Variants in FUS observed in about 807,000 individuals in gnomAD.
The protein encoded by FUS is FUS RNA binding protein.
In FUS, 5 loss-of-function variants were observed where a neutral mutation model predicts 82.7. That is an observed-to-expected ratio of 0.06 (90% CI 0.03 to 0.13). The LOEUF is 0.13. FUS is among the 10% of genes least tolerant of loss of function. The probability of loss-of-function intolerance (pLI) is 1.00; values close to 1 mark genes in which losing one functional copy is unlikely to be tolerated. For synonymous variants in FUS, 281 were observed against 247.4 expected (o/e 1.14, Z -1.27); for missense variants, 512 against 707.8 (o/e 0.72, Z 3.14).
chr16:31,189,071 G>T (rs754965428), intron 8 of FUS, 52 bp from the exon 9 acceptor site: 4 of 1,405,880 alleles, frequency 2.8e-6, no homozygotes, highest in Non-Finnish European at 4.0e-6. Context: ...GTTTTTTCCT[G>T]TGTTTTTTAT....
downstream of FUS, chr16:31,194,123 T>TC (rs2079394262): frequency 1.9e-6 from 1 of 533,154 alleles, no homozygotes; most frequent in Non-Finnish European, 3.6e-6. Context: ...TCAGCTTTTT[T>TC]CCCCATCTTG....
intron 14 of FUS, 99 bp downstream of exon 14, chr16:31,191,209 T>TG: frequency 6.6e-7 from 1 of 1,525,364 alleles, no homozygotes; most frequent in South Asian, 1.1e-5. Flanking sequence ...GAGGGCTAGG[T>TG]GGAAAGACCT....
At chr16:31,192,570 T>G (rs998352264), downstream of FUS, 4 of 491,590 alleles carry the variant, frequency 8.1e-6, no homozygotes, top group Non-Finnish European at 1.6e-5. Flanking sequence ...TTTTTATTTT[T>G]TATTTTTAGA....
In FUS at chr16:31,189,811, T is replaced by C. The variant is rs369370003; in HGVS notation, c.1066+17T>C. On this transcript the variant is annotated intron_variant, in intron 10 of 14. Transcript: ENST00000254108. The stretch of plus-strand genomic sequence containing the variant: ...GGTTTGATGGTATGTATGAGAAGGC[T>C]GGCAGAGGTGGGGCTGGGGATATAG... The C allele has an allele frequency of 6.2e-7, 1 of 1,613,966 alleles. No individual in the cohort carries two copies. The highest frequency in any genetic ancestry group is 1.3e-5 in the African/African-American group (1 of 75,046).
At chr16:31,190,579 C>T in intron 12 of FUS, 163 bp from the exon 13 acceptor site, 1 of 1,169,900 alleles carries the variant, frequency 8.5e-7, no homozygotes, top group East Asian at 2.3e-5. Context: ...GGATTGGGTT[C>T]AGTAATACTG....
chr16:31,191,228 A>T (rs1403953018), intron 14 of FUS, 118 bp downstream of exon 14: 1 of 1,494,268 alleles, frequency 6.7e-7, no homozygotes, highest in Non-Finnish European at 9.2e-7. Context: ...CTGAGGTTGT[A>T]ACCAGTAGTG....
chr16:31,189,099 G>T (rs771573838), intron 8 of FUS, 24 bp from the exon 9 acceptor site: 4 of 1,555,728 alleles, frequency 2.6e-6, no homozygotes, highest in African/African-American at 1.4e-5. Flanking sequence ...TTTCACATTT[G>T]CATTTTCTCT....
rs200264565 is a variant in FUS at position 31,184,357 on chromosome 16, A to C, written c.484A>C (p.Asn162His). 32 of 1,614,104 alleles carry C rather than the reference A, an allele frequency of 2.0e-5. No individual in the cohort carries two copies. The Admixed American group carries it at 3.2e-4, about 16-fold the overall frequency. The stretch of plus-strand genomic sequence containing the variant: ...GGGCTATGGACAGCAGAACCAGTAC[A>C]ACAGCAGCAGTGGTGGTGGAGGTGG... ...PQGYGQQNQY[N>H]SSSGGGGGGG... is the part of the protein sequence containing the mutation. Residue 162 changes from asparagine (N) to histidine (H), a missense_variant, in exon 5 of 15, where the codon AAC becomes CAC. This residue lies in a region of FUS where 276 missense variants were observed against 303.3 expected (regional missense o/e 0.91). Coordinates refer to ENST00000254108, the MANE Select transcript of FUS (RefSeq NM_004960.4).
rs1459245511 is a variant in FUS, at chr16:31,190,820, G to A, written c.1371G>A (p.Gly457=). The A allele has an allele frequency of 6.2e-7, 1 of 1,614,086 alleles. No individual in the cohort carries two copies. Among genetic ancestry groups the A allele is most frequent in the Non-Finnish European group, 8.5e-7 (1 of 1,180,024 alleles). The stretch of plus-strand genomic sequence containing the variant: ...CCCCTAAACCAGATGGCCCAGGAGG[G>A]GGACCAGGTGGCTCTCACATGGGTA... ...CKAPKPDGPG[G]GPGGSHMGGN... is the part of the protein sequence containing the mutation. The change falls in exon 13 of 15, where the codon GGG becomes GGA. Residue 457 remains glycine, a synonymous_variant. Coordinates refer to ENST00000254108, the MANE Select transcript of FUS (RefSeq NM_004960.4).
intron 1 of FUS, 146 bp from the exon 2 acceptor site, chr16:31,182,252 A>G (rs542891088): frequency 1.0e-5 from 10 of 965,296 alleles, no homozygotes; most frequent in African/African-American, 6.5e-5. Context: ...CGGCCTCCCA[A>G]ACTGCTGGGA....
At chr16:31,193,251 C>T (rs747340840), downstream of FUS, 1 of 506,220 alleles carries the variant, frequency 2.0e-6, no homozygotes, top group South Asian at 1.5e-5. Context: ...CCCCTGCCAG[C>T]ATTGGGGTGC....
rs371057360 is a variant in FUS at position 31,191,377 on chromosome 16, ATTT to A, written c.1542-7_1542-5del. The A allele has an allele frequency of 1.4e-4, 218 of 1,520,390 alleles. No individual in the cohort carries two copies. The highest frequency in any genetic ancestry group is 5.4e-4 in the Admixed American group (30 of 55,228). 94.2% of individuals were successfully genotyped at this position (1,520,390 alleles called of 1,614,324 possible). On this transcript the variant is annotated intron_variant, in intron 14 of 14. Transcript: ENST00000254108. ...GTAACTCAAATATAATGGATACTTA[ATTT>A]TTTTTTTTTTTTTTGCAGGGGTGAG...
chr16:31,185,404 T>C (rs1188529884), intron 6 of FUS: 1 of 642,430 alleles, frequency 1.6e-6, no homozygotes, highest in Non-Finnish European at 2.8e-6. Context: ...AGATTTTGAG[T>C]AATGATACTT....
At chr16:31,192,239 G>A, downstream of FUS, 1 of 526,310 alleles carries the variant, frequency 1.9e-6, no homozygotes, top group South Asian at 1.5e-5. Flanking sequence ...TTTTAGGCTT[G>A]ATCCCTTTTT....
chr16:31,180,500 G>A (rs1165046564), intron 1 of FUS, among the ~76,000 whole-genome samples: 1 of 152,192 alleles, frequency 6.6e-6, no homozygotes, highest in Non-Finnish European at 1.5e-5. Flanking sequence ...GGTTTGAAGC[G>A]TCAGGTGAGG....
rs1596909741 is a variant in FUS at position 31,190,100 on chromosome 16, A to G, written c.1127A>G (p.Asn376Ser). Reference protein sequence around the residue: ...VSFATRRADFNRGGGNGRGGR... With the variant: ...VSFATRRADFSRGGGNGRGGR... Reference sequence around the variant, plus strand: ...TTTGCTACTCGCCGGGCAGACTTTAATCGGGGTGGTGGCAATGGTCGTGGA... The same window carrying G: ...TTTGCTACTCGCCGGGCAGACTTTAGTCGGGGTGGTGGCAATGGTCGTGGA... The change falls in exon 11 of 15, where the codon AAT (asparagine) becomes AGT (serine). Residue 376 changes from asparagine to serine, a missense_variant. By Grantham distance (46) the Asn-to-Ser change is conservative. Coordinates refer to ENST00000254108, the MANE Select transcript of FUS (RefSeq NM_004960.4). 6.2e-7 allele frequency: 1 copy of G among 1,614,152 alleles called. No individual in the cohort carries two copies. Among genetic ancestry groups the G allele is most frequent in the Non-Finnish European group, 8.5e-7 (1 of 1,180,022 alleles).
chr16:31,193,314 C>T (rs1453992413), downstream of FUS: 3 of 520,126 alleles, frequency 5.8e-6, no homozygotes, highest in African/African-American at 1.9e-5. Flanking sequence ...AACAAAGGAT[C>T]GTCAAGTGGG....
chr16:31,184,686 G>A (rs1445197916), intron 5 of FUS, among the ~76,000 whole-genome samples: 2 of 151,808 alleles, frequency 1.3e-5, no homozygotes, highest in Non-Finnish European at 2.9e-5. Context: ...CTTGTGATCC[G>A]CCCGCCTTGG....
chr16:31,192,693 T>TG (rs1375196693), downstream of FUS: 21 of 481,234 alleles, frequency 4.4e-5, no homozygotes, highest in East Asian at 1.0e-3. Context: ...AATCCCAGCT[T>TG]CTGAGTAGCT....
Sources: allele counts gnomAD v4.1 joint callset (sites outside exome capture counted in the v4.1 genomes callset), GRCh38; gene constraint gnomAD v4.1.1; regional missense constraint gnomAD v4.1.1; transcripts MANE v1.5; gene names NCBI Gene and HGNC (gene_info 2026-07-23, HGNC 2026-07-21).